The following KYNU variants were observed in gnomAD, a reference collection of about 807,000 sequenced individuals.
KYNU encodes the protein L-kynurenine hydrolase.
KYNU carries 54 observed loss-of-function variants against 59.2 expected under a neutral mutation model. The ratio of observed to expected loss-of-function variants is 0.91; its 90% CI spans 0.73 to 1.14. The LOEUF is 1.14. KYNU is among the 50% of genes most tolerant of loss of function. The pLI, the probability that KYNU is intolerant of heterozygous loss-of-function variation, is 0.00. For missense variants in KYNU, 567 were observed against 554.4 expected, an observed-to-expected ratio of 1.02 and a Z score of -0.23; for synonymous variants, 177 against 192.0, an observed-to-expected ratio of 0.92 and a Z score of 0.65.
At chr2:142,919,707 G>A (rs924750145) in intron 3 of KYNU, among the ~76,000 whole-genome samples, 2 of 152,004 alleles carry the variant, frequency 1.3e-5, no homozygotes, top group African/African-American at 4.8e-5. Context: ...GCAGAGGTGG[G>A]CAGATCACTT....
At chr2:142,964,195 G>T (rs972927924) in intron 8 of KYNU, among the ~76,000 whole-genome samples, 1 of 151,396 alleles carries the variant, frequency 6.6e-6, no homozygotes, top group African/African-American at 2.4e-5. Flanking sequence ...ATTTAGGGTA[G>T]ATATTTGGAT....
chr2:142,910,629 C>T (rs1173684434), intron 2 of KYNU, among the ~76,000 whole-genome samples: 3 of 152,156 alleles, frequency 2.0e-5, no homozygotes, highest in Admixed American at 2.0e-4. Context: ...ATTGAGGACT[C>T]AGTCACAAAT....
chr2:143,018,046 T>C lies in KYNU; in HGVS notation c.903-11581T>C, dbSNP rs548027462. On this transcript the variant is annotated intron_variant, in intron 10 of 13. Transcript: ENST00000264170. ...CTATAGATTCTGGATATTAGAACTT[T>C]GTCAGATGCATAGTTTGTAAATATT... 1.1e-3 allele frequency among the ~76,000 whole-genome samples: 164 copies of C among 152,364 alleles called. 2 individuals are homozygous for C. Among genetic ancestry groups the C allele is most frequent in the Admixed American group, 2.4e-3 (36 of 15,308 alleles).
chr2:142,913,534 T>C (rs1429262038), intron 2 of KYNU, among the ~76,000 whole-genome samples: 2 of 152,256 alleles, frequency 1.3e-5, no homozygotes, highest in Admixed American at 6.5e-5. Context: ...GATTTCTACT[T>C]TTATTCCACT....
At chr2:142,895,306 CT>C (rs1241125811) in intron 2 of KYNU, among the ~76,000 whole-genome samples, 1 of 152,200 alleles carries the variant, frequency 6.6e-6, no homozygotes, top group African/African-American at 2.4e-5. Context: ...CACTATACCT[CT>C]AATCCCTGAT....
intron 2 of KYNU, among the ~76,000 whole-genome samples, chr2:142,906,752 A>G (rs1682310133): frequency 6.6e-6 from 1 of 152,176 alleles, no homozygotes; most frequent in Non-Finnish European, 1.5e-5. Context: ...TCAGAAGGAC[A>G]GGTAGGGGCG....
At chr2:143,033,185 G>C (rs773132340) in intron 11 of KYNU, 51 bp from the exon 12 acceptor site, 1 of 1,258,862 alleles carries the variant, frequency 7.9e-7, no homozygotes, top group Non-Finnish European at 1.2e-6. Flanking sequence ...TATCTTTATG[G>C]ACACTTTTAA....
intron 8 of KYNU, among the ~76,000 whole-genome samples, chr2:142,963,198 C>A (rs944310007): frequency 6.6e-6 from 1 of 151,942 alleles, no homozygotes; most frequent in African/African-American, 2.4e-5. Context: ...GAATCATAAG[C>A]AAATAGCTTC....
chr2:143,051,320 A>G lies in KYNU; in HGVS notation c.*9148A>G, dbSNP rs933841799. ...TTCAAACTTGTTATTTATTTATCTA[A>G]GACTATACAGTTCTTTTCAGAGAAA... On this transcript the variant is annotated 3_prime_UTR_variant, in exon 14 of 14. Coordinates refer to ENST00000264170, the MANE Select transcript of KYNU (RefSeq NM_003937.3). 1.3e-5 allele frequency: 2 copies of G among 152,166 alleles called. No individual in the cohort carries two copies. Among genetic ancestry groups the G allele is most frequent in the African/African-American group, 4.8e-5 (2 of 41,436 alleles). 9.4% of individuals were successfully genotyped at this position (152,166 alleles called of 1,614,324 possible).
chr2:142,930,716 C>T (rs1683180460), intron 4 of KYNU, among the ~76,000 whole-genome samples: 1 of 152,194 alleles, frequency 6.6e-6, no homozygotes, highest in African/African-American at 2.4e-5. Context: ...ACCCTTATGA[C>T]TGCACTTAAC....
rs545333661 is a variant in KYNU, at chr2:142,963,033, C to A, written c.729+2263C>A. Among the ~76,000 whole-genome samples, 34 of 152,200 alleles carry A rather than the reference C, an allele frequency of 2.2e-4. 1 individual carries two copies. Among genetic ancestry groups the A allele is most frequent in the Admixed American group, 1.3e-3 (20 of 15,284 alleles). On this transcript the variant is annotated intron_variant, in intron 8 of 13. Transcript: ENST00000264170. ...CAAAAAAACGTTTTCAGAAATAAAG[C>A]ATGGTGGGAATACAAAATGATGGTG...
intron 2 of KYNU, among the ~76,000 whole-genome samples, chr2:142,903,288 G>A (rs1031318166): frequency 9.9e-5 from 15 of 152,000 alleles, no homozygotes; most frequent in African/African-American, 9.7e-5. Context: ...TTATTTGCTC[G>A]TCCATATTGT....
At chr2:142,902,827 T>C (rs956597665) in intron 2 of KYNU, among the ~76,000 whole-genome samples, 4 of 152,186 alleles carry the variant, frequency 2.6e-5, no homozygotes, top group African/African-American at 9.7e-5. Flanking sequence ...CCTGGCCAAA[T>C]AGATGTGGGC....
intron 4 of KYNU, chr2:142,947,310 A>G (rs1683822603): frequency 1.0e-5 from 13 of 1,293,440 alleles, no homozygotes; most frequent in Non-Finnish European, 1.4e-5. Context: ...CACCTGTGTC[A>G]TAGAAGCATT....
At chr2:142,987,966 C>T (rs966915101) in intron 10 of KYNU, among the ~76,000 whole-genome samples, 1 of 151,848 alleles carries the variant, frequency 6.6e-6, no homozygotes, top group Non-Finnish European at 1.5e-5. Context: ...CCCCCTTCAC[C>T]CTCTGCCATG....
At chr2:143,019,906 A>G (rs1686359870) in intron 10 of KYNU, among the ~76,000 whole-genome samples, 1 of 151,806 alleles carries the variant, frequency 6.6e-6, no homozygotes, top group Admixed American at 6.6e-5. Flanking sequence ...TAGGTTTTTC[A>G]ACTTGTTGCA....
At chr2:142,880,678 A>G (rs1681265048) in intron 1 of KYNU, among the ~76,000 whole-genome samples, 1 of 152,230 alleles carries the variant, frequency 6.6e-6, no homozygotes, top group South Asian at 2.1e-4. Flanking sequence ...GCTAAACATC[A>G]TCACTGTTTG....
intron 8 of KYNU, among the ~76,000 whole-genome samples, chr2:142,975,833 A>G (rs1684864682): frequency 6.6e-6 from 1 of 152,278 alleles, no homozygotes; most frequent in Middle Eastern, 3.4e-3. Flanking sequence ...CACTACGTAA[A>G]CATGTTTACT....
chr2:142,886,164 T>A (rs1288548676), intron 2 of KYNU, among the ~76,000 whole-genome samples: 1 of 152,130 alleles, frequency 6.6e-6, no homozygotes, highest in Non-Finnish European at 1.5e-5. Context: ...CAATAAAAAA[T>A]GATTCATCAT....
Sources: allele counts gnomAD v4.1 joint callset (sites outside exome capture counted in the v4.1 genomes callset), GRCh38; gene constraint gnomAD v4.1.1; transcripts MANE v1.5; gene names NCBI Gene and HGNC (gene_info 2026-07-23, HGNC 2026-07-21).